The following C17orf99 variants were observed in gnomAD, a reference collection of about 807,000 sequenced individuals.
C17orf99 encodes the protein protein IL-40.
In C17orf99, 18 loss-of-function variants were observed where a neutral mutation model predicts 22.6. The ratio of observed to expected loss-of-function variants is 0.80; its 90% CI spans 0.55 to 1.18. The LOEUF is 1.18. C17orf99 is among the 50% of genes most tolerant of loss of function. C17orf99 has a pLI of 0.00. For missense variants in C17orf99, 328 were observed against 342.7 expected, an observed-to-expected ratio of 0.96 and a Z score of 0.34; for synonymous variants, 147 against 136.6, an observed-to-expected ratio of 1.08 and a Z score of -0.53.
In C17orf99 at chr17:78,164,244, C is replaced by A; in HGVS notation, c.520C>A (p.Pro174Thr). 1.3e-6 allele frequency: 2 copies of A among 1,551,566 alleles called. No homozygotes were observed. The highest frequency in any genetic ancestry group is 1.7e-6 in the Non-Finnish European group (2 of 1,147,012). ...TGGGCAGGTCCACCTGCAGCAGAGA[C>A]CATGCCACAGGCAGCCTGCCAACTT... The part of the protein sequence containing the change: ...KDGQVHLQQR[P>T]CHRQPANFSF... The change falls in exon 4 of 5, where the codon CCA becomes ACA. Residue 174 changes from proline (P) to threonine (T), a missense_variant. Coordinates refer to ENST00000340363, the MANE Select transcript of C17orf99 (RefSeq NM_001163075.2).
intron 2 of C17orf99, among the ~76,000 whole-genome samples, chr17:78,154,086 G>A (rs1039889935): frequency 1.3e-4 from 19 of 151,282 alleles, no homozygotes; most frequent in African/African-American, 4.1e-4. Flanking sequence ...CCACCACACC[G>A]GGCTAATTTG....
chr17:78,145,881 C>T (rs1161831624), upstream of C17orf99, among the ~76,000 whole-genome samples: 7 of 151,340 alleles, frequency 4.6e-5, no homozygotes, highest in Admixed American at 1.3e-4. Context: ...CTGCAACCTC[C>T]GCCTCCTGGG....
intron 2 of C17orf99, chr17:78,158,085 T>G: frequency 9.9e-7 from 1 of 1,011,240 alleles, no homozygotes; most frequent in Non-Finnish European, 1.5e-6. Context: ...GACTTTCGTC[T>G]GCATGAGGGA....
At chr17:78,157,836 T>C (rs925603306) in intron 2 of C17orf99, 153 of 839,490 alleles carry the variant, frequency 1.8e-4, no homozygotes, top group Non-Finnish European at 2.6e-4. Flanking sequence ...AATGGCTTTG[T>C]GGTACTCAAA....
rs1169237064 is a variant in C17orf99 at position 78,164,280 on chromosome 17, C to T, written c.556C>T (p.Pro186Ser). 5 of 1,551,610 alleles carry T rather than the reference C, an allele frequency of 3.2e-6. No homozygotes were observed. Among genetic ancestry groups the T allele is most frequent in the South Asian group, 1.2e-5 (1 of 84,068 alleles). Residue 186 changes from proline (P) to serine (S), a missense_variant, in exon 4 of 5, where the codon CCG becomes TCG. Physicochemically the swap from Pro to Ser is moderately conservative, Grantham distance 74. Coordinates refer to ENST00000340363, the MANE Select transcript of C17orf99 (RefSeq NM_001163075.2). ...HRQPANFSFL[P>S]SQTSDWFWCQ... The stretch of plus-strand genomic sequence containing the variant: ...GCAGCCTGCCAACTTCTCCTTCCTG[C>T]CGAGCCAGACATCGGACTGGTTCTG...
Position 78,166,019 on chromosome 17 carries a change from C to T in C17orf99, c.771C>T (p.Val257=). 1 of 1,428,480 alleles carries T rather than the reference C, an allele frequency of 7.0e-7. No individual in the cohort carries two copies. The highest frequency in any genetic ancestry group is 2.6e-5 in the East Asian group (1 of 38,652). The allele number at this position is 1,428,480 out of a possible 1,614,324, so 88.5% of individuals were successfully genotyped here. ...GGTTCAGGATAGGGAATGGGGAGGT[C>T]AGAGGACGCAAAGCAGCAGCCATGT... ...FGGFRIGNGE[V]RGRKAAAM The change falls in exon 5 of 5, where the codon GTC becomes GTT. Residue 257 remains valine, a synonymous_variant. Coordinates refer to ENST00000340363, the MANE Select transcript of C17orf99 (RefSeq NM_001163075.2).
At chr17:78,163,482 G>A (rs574776059) in intron 3 of C17orf99, among the ~76,000 whole-genome samples, 45 of 152,312 alleles carry the variant, frequency 3.0e-4, no homozygotes, top group South Asian at 6.2e-4. Flanking sequence ...TAGGACATAC[G>A]TATAGTAAAA....
intron 2 of C17orf99, 199 bp from the exon 3 acceptor site, chr17:78,160,756 G>A (rs1444436957): frequency 5.2e-6 from 3 of 580,620 alleles, no homozygotes; most frequent in Non-Finnish European, 9.2e-6. Flanking sequence ...GCTAATTTTT[G>A]TATTTTAGTA....
chr17:78,165,991 G>T lies in C17orf99; in HGVS notation c.743G>T (p.Gly248Val), dbSNP rs371895105. 4.1e-5 allele frequency: 62 copies of T among 1,498,428 alleles called. No homozygotes were observed. In the South Asian group the frequency reaches 4.8e-4, roughly 12 times the overall value. The allele number at this position is 1,498,428 out of a possible 1,614,324, so 92.8% of individuals were successfully genotyped here. ...CGCCGTCTGAGTGAAGAGGAGTTTGGGGGGTTCAGGATAGGGAATGGGGAG... is the reference window on the plus strand; with the variant it reads ...CGCCGTCTGAGTGAAGAGGAGTTTGTGGGGTTCAGGATAGGGAATGGGGAG... ...STRRLSEEEFGGFRIGNGEVR... is the reference protein window; with the variant it reads ...STRRLSEEEFVGFRIGNGEVR... The change falls in exon 5 of 5, where the codon GGG becomes GTG. Residue 248 changes from glycine (G) to valine (V), a missense_variant. By Grantham distance (109) the Gly-to-Val change is moderately radical. Coordinates refer to ENST00000340363, the MANE Select transcript of C17orf99 (RefSeq NM_001163075.2).
intron 2 of C17orf99, among the ~76,000 whole-genome samples, chr17:78,152,609 A>G (rs925297350): frequency 4.6e-5 from 7 of 150,650 alleles, no homozygotes; most frequent in Non-Finnish European, 8.8e-5. Context: ...TGTTAGGATT[A>G]TAGGCATGAG....
Position 78,158,487 on chromosome 17 carries a change from G to C in C17orf99, c.71-2468G>C, listed in dbSNP as rs149934155. 920 of 195,850 alleles carry C rather than the reference G, an allele frequency of 4.7e-3. 12 individuals are homozygous for C. Among genetic ancestry groups the C allele is most frequent in the African/African-American group, 0.02 (851 of 42,926 alleles). 12.1% of individuals were successfully genotyped at this position (195,850 alleles called of 1,614,324 possible). A position where few individuals can be genotyped will look rare whatever the true frequency, so the allele number is the denominator to read the frequency against. On this transcript the variant is annotated intron_variant, in intron 2 of 4. Transcript: ENST00000340363. ...TTTTTTGTATTTTTTAGTAGAGACG[G>C]GGTTTCACCGTGTTAGCCAGGATGG...
intron 2 of C17orf99, among the ~76,000 whole-genome samples, chr17:78,150,239 T>C (rs2075470917): frequency 1.4e-5 from 2 of 147,366 alleles, no homozygotes; most frequent in African/African-American, 2.5e-5. Flanking sequence ...AGACTCAAGC[T>C]CAAGTGATCT....
chr17:78,154,619 G>A (rs1161650514), intron 2 of C17orf99, among the ~76,000 whole-genome samples: 1 of 151,964 alleles, frequency 6.6e-6, no homozygotes, highest in East Asian at 1.9e-4. Flanking sequence ...GAGGCAGGTG[G>A]ATCACCTGAG....
chr17:78,150,321 T>G (rs533017941), intron 2 of C17orf99, among the ~76,000 whole-genome samples: 1 of 152,296 alleles, frequency 6.6e-6, no homozygotes, highest in South Asian at 2.1e-4. Context: ...ATTTCAAATT[T>G]TTTTGTAGCA....
intron 2 of C17orf99, among the ~76,000 whole-genome samples, chr17:78,153,876 T>C (rs184388025): frequency 2.0e-4 from 30 of 151,824 alleles, no homozygotes; most frequent in African/African-American, 7.2e-4. Context: ...TCGAAGATTT[T>C]TCCATGAAAG....
In C17orf99 at chr17:78,165,931, G is replaced by A; in HGVS notation, c.683G>A (p.Ser228Asn). Reference protein sequence around the residue: ...KMEDWQGPLESPILALPLYRS... With the variant: ...KMEDWQGPLENPILALPLYRS... The stretch of plus-strand genomic sequence containing the variant: ...GAGGACTGGCAGGGTCCCCTGGAGA[G>A]CCCCATCCTTGCCTTGCCGCTCTAC... The change falls in exon 5 of 5, where the codon AGC becomes AAC. Residue 228 changes from serine to asparagine, a missense_variant. Transcript: ENST00000340363. 1 of 1,464,824 alleles carries A rather than the reference G, an allele frequency of 6.8e-7. No individual in the cohort carries two copies. The highest frequency in any genetic ancestry group is 1.4e-5 in the South Asian group (1 of 69,816). The allele number at this position is 1,464,824 out of a possible 1,614,324, so 90.7% of individuals were successfully genotyped here.
In C17orf99 at chr17:78,160,027, G is replaced by A. The variant is rs537738281; in HGVS notation, c.71-928G>A. 8.2e-5 allele frequency: 37 copies of A among 453,466 alleles called. 1 individual carries two copies. In the East Asian group the frequency reaches 2.4e-3, roughly 29 times the overall value. 28.1% of individuals were successfully genotyped at this position (453,466 alleles called of 1,614,324 possible). A position where few individuals can be genotyped will look rare whatever the true frequency, so the allele number is the denominator to read the frequency against. ...TGTGGTGAATCACGCTGCCATGAGC[G>A]TGTGTGTACAGGTATCTGTTTGAGT... On this transcript the variant is annotated intron_variant, in intron 2 of 4. Coordinates refer to ENST00000340363, the MANE Select transcript of C17orf99 (RefSeq NM_001163075.2).
At position 78,146,780 on chromosome 17, in the gene C17orf99, C is replaced by G. The variant is rs778866896; in HGVS notation, c.38-99C>G. 1.4e-5 allele frequency: 17 copies of G among 1,207,216 alleles called. 1 individual carries two copies. The South Asian group carries it at 2.0e-4, about 14-fold the overall frequency. The allele number at this position is 1,207,216 out of a possible 1,614,324, so 74.8% of individuals were successfully genotyped here. On this transcript the variant is annotated intron_variant, in intron 1 of 4. Transcript: ENST00000340363. This position sits in a 1 kb window ranked among gnomAD's most constrained non-coding sequence, Gnocchi z 5.2. The stretch of plus-strand genomic sequence containing the variant: ...TGGGGCCTCACTACCAAGAATCAGC[C>G]TGCTCCTCCCTCCTGGCTTCAGCAG...
At chr17:78,158,353 G>A (rs981414385) in intron 2 of C17orf99, among the ~76,000 whole-genome samples, 2 of 151,898 alleles carry the variant, frequency 1.3e-5, no homozygotes, top group Admixed American at 1.3e-4. Context: ...GGAGTGCAGT[G>A]GCACCATCTC....
Sources: gnomAD v4.1 joint callset for allele counts (sites outside exome capture counted in the v4.1 genomes callset) on GRCh38, gnomAD v4.1.1 for gene constraint, Gnocchi (gnomAD v3.1) non-coding constraint, MANE v1.5 for transcripts, NCBI Gene and HGNC (gene_info 2026-07-23, HGNC 2026-07-21) for gene names.